The following SPATA22 variants were observed in gnomAD, a reference collection of about 807,000 sequenced individuals.
SPATA22 encodes the protein spermatogenesis-associated protein 22.
Under a neutral mutation model 47.8 loss-of-function variants are expected in SPATA22, and 29 were observed. That is an observed-to-expected ratio of 0.61 (90% CI 0.45 to 0.83). The LOEUF (loss-of-function observed/expected upper bound fraction) is 0.83, where lower values mean the gene tolerates loss of function less well. Ranked by LOEUF, SPATA22 falls within the 40% of genes least tolerant of loss-of-function variation. SPATA22 has a pLI of 0.00. For missense variants in SPATA22, 410 were observed against 421.7 expected, an observed-to-expected ratio of 0.97 and a Z score of 0.24; for synonymous variants, 133 against 140.9, an observed-to-expected ratio of 0.94 and a Z score of 0.40.
At chr17:3,447,558 T>G (rs117407216) in intron 6 of SPATA22, among the ~76,000 whole-genome samples, 3,049 of 152,268 alleles carry the variant, frequency 0.02, 39 homozygotes, top group Non-Finnish European at 0.029. Flanking sequence ...TTTATTAATC[T>G]TATTTCCAAC....
At chr17:3,480,351 C>A (rs545504198) in intron 1 of SPATA22, among the ~76,000 whole-genome samples, 305 of 152,332 alleles carry the variant, frequency 2.0e-3, no homozygotes, top group Non-Finnish European at 3.5e-3. Flanking sequence ...AATTCAGACA[C>A]TGGAATTTTT....
chr17:3,489,032 C>A (rs1410051962), intron 1 of SPATA22, among the ~76,000 whole-genome samples: 1 of 152,192 alleles, frequency 6.6e-6, no homozygotes, highest in East Asian at 1.9e-4. Flanking sequence ...TCTTTATTCA[C>A]TATGCATCTA....
rs1014834094 is a variant in SPATA22 at position 3,488,839 on chromosome 17, A to T, written c.-73-19441T>A. 2.0e-5 allele frequency among the ~76,000 whole-genome samples: 3 copies of T among 152,164 alleles called. No individual in the cohort carries two copies. The highest frequency in any genetic ancestry group is 4.4e-5 in the Non-Finnish European group (3 of 68,040). On this transcript the variant is annotated intron_variant, in intron 1 of 8. Transcript: ENST00000541913. The surrounding 1 kb of genome is among the most constrained non-coding windows in gnomAD (Gnocchi z 6.1). The stretch of plus-strand genomic sequence containing the variant: ...ATGTCCTTCCTCCCGTCACAGCTAA[A>T]TGTTAGATCTTAACAGTTTCTCTTC...
chr17:3,473,521 G>A (rs921359152), upstream of SPATA22, among the ~76,000 whole-genome samples: 7 of 152,044 alleles, frequency 4.6e-5, no homozygotes, highest in Admixed American at 6.6e-5. Context: ...TTTTTGAGAC[G>A]GAGTTTCGCT....
At chr17:3,452,369 G>A (rs1013073343) in intron 5 of SPATA22, among the ~76,000 whole-genome samples, 9 of 151,464 alleles carry the variant, frequency 5.9e-5, no homozygotes, top group African/African-American at 1.2e-4. Context: ...CGAGGCAGGC[G>A]GAGCACAAGG....
intron 3 of SPATA22, among the ~76,000 whole-genome samples, chr17:3,464,745 A>T (rs1166644673): frequency 1.5e-5 from 2 of 137,182 alleles, no homozygotes; most frequent in Non-Finnish European, 1.6e-5. Context: ...TCCGCCCGGC[A>T]ACCGCCCCGT....
At chr17:3,440,384 T>A in intron 8 of SPATA22, 46 bp from the exon 9 acceptor site, 1 of 1,443,930 alleles carries the variant, frequency 6.9e-7, no homozygotes, top group Non-Finnish European at 9.3e-7. Context: ...TTACTTCATC[T>A]GAATTTCAAT....
chr17:3,456,847 A>G (rs2073010630), intron 5 of SPATA22, among the ~76,000 whole-genome samples: 1 of 151,534 alleles, frequency 6.6e-6, no homozygotes, highest in Non-Finnish European at 1.5e-5. Flanking sequence ...AAGCTTATCC[A>G]CCATGATCAA....
At chr17:3,443,134 T>G (rs1247703964) in intron 8 of SPATA22, 40 bp downstream of exon 8, 5 of 1,368,156 alleles carry the variant, frequency 3.7e-6, no homozygotes, top group Non-Finnish European at 5.2e-6. Flanking sequence ...TTATATTCTG[T>G]TGACATAGGC....
At chr17:3,445,812 T>TAA (rs1372896226) in intron 7 of SPATA22, among the ~76,000 whole-genome samples, 5 of 152,092 alleles carry the variant, frequency 3.3e-5, no homozygotes, top group Non-Finnish European at 7.4e-5. Context: ...TATTTACATA[T>TAA]ATATATATAA....
chr17:3,502,126 G>GTGGTTGGCC (rs1395192552), intron 1 of SPATA22: 16 of 152,202 alleles, frequency 1.1e-4, no homozygotes, highest in Non-Finnish European at 1.5e-5. Context: ...CAACCACCCT[G>GTGGTTGGCC]ATCAGGCAGC....
chr17:3,455,063 T>C (rs199549935), intron 5 of SPATA22, among the ~76,000 whole-genome samples: 2 of 152,314 alleles, frequency 1.3e-5, no homozygotes, highest in East Asian at 3.9e-4. Context: ...ATGATGAGCA[T>C]TTTTTCATGT....
intron 5 of SPATA22, among the ~76,000 whole-genome samples, chr17:3,454,929 G>A (rs1440232118): frequency 6.6e-6 from 1 of 151,648 alleles, no homozygotes; most frequent in Non-Finnish European, 1.5e-5. Context: ...GTGTAAAAGT[G>A]TTCCTATTTC....
In SPATA22 at chr17:3,503,914, T is replaced by C. The variant is rs533963992; in HGVS notation, c.-74+9498A>G. On this transcript the variant is annotated intron_variant, in intron 1 of 8. Transcript: ENST00000541913. ...AGCTCAGTGCTTAGCACAGAATACA[T>C]ACTTAACAAATCACTGAAGTTCAAA... Among the ~76,000 whole-genome samples, 177 of 152,210 alleles carry C rather than the reference T, an allele frequency of 1.2e-3. 1 individual carries two copies. The highest frequency in any genetic ancestry group is 2.2e-3 in the Non-Finnish European group (152 of 68,002).
intron 6 of SPATA22, among the ~76,000 whole-genome samples, chr17:3,447,454 G>T (rs202015152): frequency 1.1e-4 from 16 of 151,628 alleles, no homozygotes; most frequent in African/African-American, 2.7e-4. Context: ...TCCTGTTGAT[G>T]ATGGCCACAG....
Position 3,450,584 on chromosome 17 carries a change from C to A in SPATA22, c.330-1435G>T, listed in dbSNP as rs192260309. Among the ~76,000 whole-genome samples, 22 of 152,310 alleles carry A rather than the reference C, an allele frequency of 1.4e-4. 1 individual carries two copies. Among genetic ancestry groups the A allele is most frequent in the Admixed American group, 6.5e-4 (10 of 15,304 alleles). On this transcript the variant is annotated intron_variant, in intron 5 of 8. Coordinates refer to ENST00000572969, the MANE Select transcript of SPATA22 (RefSeq NM_001170698.2). ...GGCACAAGTGATTCTCCTGCCTCAA[C>A]CTCCAGAGTAGCTGGCACTACAGGT...
At chr17:3,448,744 TA>T in intron 6 of SPATA22, 62 bp downstream of exon 6, 2 of 1,246,558 alleles carry the variant, frequency 1.6e-6, no homozygotes, top group Non-Finnish European at 1.1e-6. Context: ...TGTAGTTTTC[TA>T]AATATTTACC....
intron 8 of SPATA22, chr17:3,441,401 T>C (rs1237054319): frequency 6.6e-6 from 1 of 151,922 alleles, no homozygotes; most frequent in Non-Finnish European, 1.5e-5. Context: ...CTAAATAGCA[T>C]ATGAAAAGGT....
intron 1 of SPATA22, chr17:3,498,802 T>G (rs2073951588): frequency 8.1e-7 from 1 of 1,233,824 alleles, no homozygotes; most frequent in Non-Finnish European, 1.1e-6. Flanking sequence ...AACAGAATAC[T>G]GTAATTTGTT....
Sources: allele counts gnomAD v4.1 joint callset (sites outside exome capture counted in the v4.1 genomes callset), GRCh38; gene constraint gnomAD v4.1.1; non-coding constraint Gnocchi (gnomAD v3.1); transcripts MANE v1.5; gene names NCBI Gene and HGNC (gene_info 2026-07-23, HGNC 2026-07-21).